The following KCNAB1 variants were observed in gnomAD, a reference collection of about 807,000 sequenced individuals.
The protein encoded by KCNAB1 is voltage-gated potassium channel subunit beta-1.
KCNAB1 carries 35 observed loss-of-function variants against 64.6 expected under a neutral mutation model. That is an observed-to-expected ratio of 0.54 (90% CI 0.41 to 0.72). KCNAB1 has a LOEUF of 0.72. KCNAB1 is among the 30% of genes least tolerant of loss of function. The probability of loss-of-function intolerance (pLI) is 0.00; values close to 1 mark genes in which losing one functional copy is unlikely to be tolerated. For missense variants in KCNAB1, 401 were observed against 512.9 expected, an observed-to-expected ratio of 0.78 and a Z score of 2.11; for synonymous variants, 177 against 183.8, an observed-to-expected ratio of 0.96 and a Z score of 0.30.
At chr3:156,447,724 CAT>C (rs1156263974) in intron 2 of KCNAB1, among the ~76,000 whole-genome samples, 1 of 152,056 alleles carries the variant, frequency 6.6e-6, no homozygotes, top group African/African-American at 2.4e-5. Flanking sequence ...ATTAAGAAAA[CAT>C]ACAATTAAAT....
chr3:156,457,322 A>G (rs977603493), intron 3 of KCNAB1, 131 bp from the exon 4 acceptor site: 1 of 1,491,662 alleles, frequency 6.7e-7, no homozygotes, highest in Non-Finnish European at 8.9e-7. Flanking sequence ...TTCCCTCTCC[A>G]CTAAAACTAA....
Position 156,516,664 on chromosome 3 carries a change from T to C in KCNAB1, c.960+300T>C, listed in dbSNP as rs569115287. Among the ~76,000 whole-genome samples, 35 of 152,380 alleles carry C rather than the reference T, an allele frequency of 2.3e-4. No homozygotes were observed. In the South Asian group the frequency reaches 7.0e-3, roughly 31 times the overall value. On this transcript the variant is annotated intron_variant, in intron 11 of 13. Transcript: ENST00000490337. ...ATTCCTACATTGTTTTTTATTCTTA[T>C]ATTAAAGAAAACATTCCATCATTTG...
At chr3:156,190,393 C>T (rs1036138126) in intron 1 of KCNAB1, among the ~76,000 whole-genome samples, 14 of 152,066 alleles carry the variant, frequency 9.2e-5, no homozygotes, top group African/African-American at 3.4e-4. Context: ...ATATGTTCCT[C>T]ATGACAGCTC....
chr3:156,481,553 T>C (rs963042698), intron 8 of KCNAB1, among the ~76,000 whole-genome samples: 3 of 152,022 alleles, frequency 2.0e-5, no homozygotes, highest in African/African-American at 7.2e-5. Flanking sequence ...ACCAAAAAAA[T>C]TGTGTCATAA....
intron 8 of KCNAB1, among the ~76,000 whole-genome samples, chr3:156,487,455 G>A (rs1417858549): frequency 6.6e-6 from 1 of 152,268 alleles, no homozygotes; most frequent in East Asian, 1.9e-4. Flanking sequence ...GTATCCCCAT[G>A]TTAAGTTTTA....
intron 2 of KCNAB1, among the ~76,000 whole-genome samples, chr3:156,427,736 G>T (rs1208382386): frequency 6.6e-6 from 1 of 152,150 alleles, no homozygotes; most frequent in Non-Finnish European, 1.5e-5. Flanking sequence ...ATCAGGGATT[G>T]TCCTAAAAGA....
At chr3:156,215,938 T>G (rs937420487) in intron 1 of KCNAB1, among the ~76,000 whole-genome samples, 12 of 152,162 alleles carry the variant, frequency 7.9e-5, no homozygotes, top group Admixed American at 7.2e-4. Context: ...ATTAGATTGA[T>G]TTTTATGAAA....
chr3:156,480,348 G>C (rs961396185), intron 8 of KCNAB1, among the ~76,000 whole-genome samples: 1 of 151,856 alleles, frequency 6.6e-6, no homozygotes, highest in African/African-American at 2.4e-5. Flanking sequence ...AGTAAAAAGA[G>C]AGAGGAACAA....
At chr3:156,510,580 T>C (rs538442907) in intron 8 of KCNAB1, among the ~76,000 whole-genome samples, 232 of 152,324 alleles carry the variant, frequency 1.5e-3, no homozygotes, top group African/African-American at 5.3e-3. Context: ...TCCAAACTTA[T>C]TGAATGCATT....
intron 1 of KCNAB1, among the ~76,000 whole-genome samples, chr3:156,221,497 C>T (rs989712860): frequency 5.3e-5 from 8 of 152,022 alleles, no homozygotes; most frequent in Admixed American, 1.3e-4. Context: ...ATTTTGTGGC[C>T]GGGCATGGTG....
In KCNAB1 at chr3:156,120,685, G is replaced by T. The variant is rs1713285343; in HGVS notation, c.74G>T (p.Gly25Val). Reference sequence around the variant, plus strand: ...AACACCAAGTTAAGGAGACAGTCTGGGTTTTCTGTAGCAGGGAAAGACAAA... The same window carrying T: ...AACACCAAGTTAAGGAGACAGTCTGTGTTTTCTGTAGCAGGGAAAGACAAA... ...EENTKLRRQS[G>V]FSVAGKDKSP... Residue 25 changes from glycine to valine, a missense_variant, in exon 1 of 14, where the codon GGG becomes GTG. Coordinates refer to ENST00000490337, the MANE Select transcript of KCNAB1 (RefSeq NM_172160.3). The T allele has an allele frequency of 3.1e-6, 5 of 1,614,194 alleles. No homozygotes were observed. Among genetic ancestry groups the T allele is most frequent in the Non-Finnish European group, 4.2e-6 (5 of 1,180,034 alleles).
intron 1 of KCNAB1, among the ~76,000 whole-genome samples, chr3:156,337,966 G>A (rs1359165817): frequency 6.6e-6 from 1 of 152,164 alleles, no homozygotes; most frequent in Admixed American, 6.5e-5. Flanking sequence ...TTGTTAAAGA[G>A]TTTATAGTCT....
intron 1 of KCNAB1, among the ~76,000 whole-genome samples, chr3:156,211,373 T>C (rs1335616601): frequency 1.3e-5 from 2 of 152,246 alleles, no homozygotes; most frequent in East Asian, 1.9e-4. Context: ...ATTTGTAATA[T>C]GCAAACATGC....
At chr3:156,285,746 A>C (rs1387447974) in intron 1 of KCNAB1, among the ~76,000 whole-genome samples, 1 of 136,992 alleles carries the variant, frequency 7.3e-6, no homozygotes, top group Admixed American at 6.8e-5. Flanking sequence ...CAGTCAATCC[A>C]CCTAAGCCTT....
At chr3:156,447,982 T>A (rs1711706492) in intron 2 of KCNAB1, among the ~76,000 whole-genome samples, 1 of 152,196 alleles carries the variant, frequency 6.6e-6, no homozygotes, top group African/African-American at 2.4e-5. Flanking sequence ...ACCCTGATAA[T>A]CACCAAACGA....
chr3:156,502,571 C>A (rs1716524890), intron 8 of KCNAB1, among the ~76,000 whole-genome samples: 1 of 143,806 alleles, frequency 7.0e-6, no homozygotes, highest in Non-Finnish European at 1.5e-5. Flanking sequence ...CACACACACA[C>A]ACAAATTCAA....
chr3:156,127,922 C>T lies in KCNAB1; in HGVS notation c.275+7036C>T, dbSNP rs531954127. On this transcript the variant is annotated intron_variant, in intron 1 of 13. Transcript: ENST00000490337. ...GTGTGTGTGTGTGTGTGTGTGTGCA[C>T]GTGCGTGCGCACCTGGTTTCTTCTG... Among the ~76,000 whole-genome samples, 216 of 74,610 alleles carry T rather than the reference C, an allele frequency of 2.9e-3. 2 individuals are homozygous for T. The highest frequency in any genetic ancestry group is 7.2e-3 in the African/African-American group (187 of 25,818). 48.9% of individuals were successfully genotyped at this position (74,610 alleles called of 152,430 possible). A position where few individuals can be genotyped will look rare whatever the true frequency, so the allele number is the denominator to read the frequency against.
chr3:156,232,460 G>T (rs568570969), intron 1 of KCNAB1, among the ~76,000 whole-genome samples: 1 of 152,342 alleles, frequency 6.6e-6, no homozygotes, highest in African/African-American at 2.4e-5. Context: ...TTTCGCACAG[G>T]CAGGCCAATT....
At chr3:156,168,706 T>C (rs1236572752) in intron 1 of KCNAB1, among the ~76,000 whole-genome samples, 2 of 152,238 alleles carry the variant, frequency 1.3e-5, no homozygotes, top group Non-Finnish European at 2.9e-5. Context: ...AAGCTAGTGA[T>C]GCTGTTGAGA....
Sources: allele counts gnomAD v4.1 joint callset (sites outside exome capture counted in the v4.1 genomes callset), GRCh38; gene constraint gnomAD v4.1.1; transcripts MANE v1.5; gene names NCBI Gene and HGNC (gene_info 2026-07-23, HGNC 2026-07-21).